The following PLA1A variants were observed in gnomAD, a reference collection of about 807,000 sequenced individuals.
PLA1A encodes phospholipase A1 member A, also known as phosphatidylserine-specific phospholipase A1alpha.
Under a neutral mutation model 49.4 loss-of-function variants are expected in PLA1A, and 47 were observed. The ratio of observed to expected loss-of-function variants is 0.95; its 90% CI spans 0.75 to 1.21. The LOEUF is 1.21. PLA1A is among the 50% of genes most tolerant of loss of function. The pLI is 0.00. For missense variants in PLA1A, 561 were observed against 563.9 expected, an observed-to-expected ratio of 0.99 and a Z score of 0.05; for synonymous variants, 224 against 207.9, an observed-to-expected ratio of 1.08 and a Z score of -0.67.
At chr3:119,628,252 CATG>C (rs1188027302) in intron 9 of PLA1A, among the ~76,000 whole-genome samples, 3 of 152,250 alleles carry the variant, frequency 2.0e-5, no homozygotes, top group South Asian at 2.1e-4. Context: ...GTCTGCGCTT[CATG>C]ATGTTTTCTT....
Position 119,606,794 on chromosome 3 carries a change from C to T in PLA1A, c.94C>T (p.Gln32Ter), listed in dbSNP as rs1560077944. The T allele has an allele frequency of 6.2e-7, 1 of 1,614,138 alleles. No individual in the cohort carries two copies. Residue 32 changes from glutamine (Q) to a stop codon, truncating the protein, a stop_gained, in exon 2 of 11, where the codon CAG becomes TAG. Transcript: ENST00000273371. LOFTEE classifies it high-confidence loss of function. ...GSSGDAPPTP[Q>*]PKCADFQSAN... ...TCCAGGGGATGCACCTCCTACCCCA[C>T]AGCCAAAGTGCGCTGACTTCCAGAG...
At chr3:119,627,166 G>A (rs1269425243) in intron 9 of PLA1A, among the ~76,000 whole-genome samples, 3 of 152,168 alleles carry the variant, frequency 2.0e-5, no homozygotes, top group African/African-American at 4.8e-5. Flanking sequence ...CCTCCATGAA[G>A]AGGTTCACAT....
intron 6 of PLA1A, 51 bp from the exon 7 acceptor site, chr3:119,617,968 G>C (rs372737186): frequency 1.4e-6 from 2 of 1,438,064 alleles, no homozygotes; most frequent in Non-Finnish European, 1.9e-6. Flanking sequence ...AAACAGCATA[G>C]ATTTCCATTT....
intron 1 of PLA1A, chr3:119,600,222 C>T (rs1489689430): frequency 3.4e-6 from 2 of 584,582 alleles, no homozygotes; most frequent in African/African-American, 3.7e-5. Context: ...AGTTCAGCCT[C>T]CACTCACTTT....
intron 8 of PLA1A, among the ~76,000 whole-genome samples, chr3:119,623,334 A>G (rs537943099): frequency 2.6e-5 from 4 of 151,808 alleles, no homozygotes; most frequent in Admixed American, 2.6e-4. Flanking sequence ...TTTTGTAGAG[A>G]CTGGGTCTTG....
At chr3:119,608,220 A>AAGAGAG (rs1560078753) in intron 2 of PLA1A, among the ~76,000 whole-genome samples, 386 of 80,620 alleles carry the variant, frequency 4.8e-3, no homozygotes, top group East Asian at 9.2e-3. Context: ...GAAAGAAAGA[A>AAGAGAG]AGAAAGAGAG....
chr3:119,623,092 G>C (rs964743659), intron 8 of PLA1A, among the ~76,000 whole-genome samples: 1 of 152,112 alleles, frequency 6.6e-6, no homozygotes, highest in Admixed American at 6.5e-5. Flanking sequence ...GCCTCCCAAA[G>C]TGCTGGGATT....
chr3:119,615,888 A>T, intron 5 of PLA1A, 124 bp from the exon 6 acceptor site: 1 of 652,418 alleles, frequency 1.5e-6, no homozygotes, highest in East Asian at 2.7e-5. Context: ...TCATCCTGTG[A>T]AGTCTCACAG....
intron 2 of PLA1A, among the ~76,000 whole-genome samples, chr3:119,608,242 G>GAGAGAGAA: frequency 8.1e-6 from 1 of 123,828 alleles, no homozygotes; most frequent in African/African-American, 3.1e-5. Context: ...GAAAGAAAGA[G>GAGAGAGAA]AGAAAGAAAG....
intron 1 of PLA1A, chr3:119,600,416 T>C (rs2082602707): frequency 2.8e-6 from 2 of 702,996 alleles, no homozygotes; most frequent in Non-Finnish European, 5.2e-6. Context: ...TAGGTGGTCT[T>C]TCTTTGTGTT....
intron 1 of PLA1A, among the ~76,000 whole-genome samples, chr3:119,602,621 A>C (rs1245188507): frequency 6.6e-6 from 1 of 152,186 alleles, no homozygotes; most frequent in Non-Finnish European, 1.5e-5. Context: ...TGTGTGTGAC[A>C]GGTACTATTT....
chr3:119,619,393 C>T (rs768080704), intron 7 of PLA1A, among the ~76,000 whole-genome samples, 170 bp from the exon 8 acceptor site: 3 of 152,152 alleles, frequency 2.0e-5, no homozygotes, highest in African/African-American at 4.8e-5. Flanking sequence ...CCCACTGGAC[C>T]GAGTTGCTGG....
At position 119,597,919 on chromosome 3, in the gene PLA1A, C is replaced by T. The variant is rs1476892885; in HGVS notation, c.6C>T (p.Pro2=). The T allele has an allele frequency of 2.5e-6, 4 of 1,607,824 alleles. No homozygotes were observed. The highest frequency in any genetic ancestry group is 3.4e-6 in the Non-Finnish European group (4 of 1,176,434). M[P]PGPWESCFWV... ...CTGAGATTTCCAGCTCAGCGATGCC[C>T]CCAGGTCCCTGGGAGAGCTGCTTCT... Residue 2 remains proline (P), a synonymous_variant, in exon 1 of 11, where the codon CCC becomes CCT. Coordinates refer to ENST00000273371, the MANE Select transcript of PLA1A (RefSeq NM_015900.4).
chr3:119,602,015 C>G (rs1375355671), intron 1 of PLA1A, among the ~76,000 whole-genome samples: 3 of 151,960 alleles, frequency 2.0e-5, no homozygotes, highest in African/African-American at 4.8e-5. Flanking sequence ...GCCCAGCAAA[C>G]CTTGCTGGGC....
intron 1 of PLA1A, chr3:119,600,403 G>A (rs1320182076): frequency 1.4e-6 from 1 of 702,786 alleles, no homozygotes; most frequent in African/African-American, 1.7e-5. Flanking sequence ...CCTCCATCTG[G>A]GGTAGGTGGT....
At chr3:119,601,123 C>T (rs892428765) in intron 1 of PLA1A, among the ~76,000 whole-genome samples, 1 of 152,380 alleles carries the variant, frequency 6.6e-6, no homozygotes, top group African/African-American at 2.4e-5. Context: ...TGTGCCAACT[C>T]TGTCACTGCC....
chr3:119,606,139 G>A (rs1388987453), intron 1 of PLA1A, among the ~76,000 whole-genome samples: 1 of 152,212 alleles, frequency 6.6e-6, no homozygotes, highest in Non-Finnish European at 1.5e-5. Flanking sequence ...AAGTGCCATG[G>A]ACTGGGTGGC....
At chr3:119,619,022 C>A (rs969548344) in intron 7 of PLA1A, among the ~76,000 whole-genome samples, 10 of 152,218 alleles carry the variant, frequency 6.6e-5, no homozygotes, top group African/African-American at 2.4e-4. Context: ...TAACAGCCAC[C>A]TCACACTGTC....
chr3:119,622,087 AAAGAAGAAG>A (rs150974548), intron 8 of PLA1A, among the ~76,000 whole-genome samples: 17 of 114,288 alleles, frequency 1.5e-4, no homozygotes, highest in African/African-American at 5.2e-4. Context: ...GTTTCTGAAG[AAAGAAGAAG>A]AAGAAGAAGA....
Sources: allele counts gnomAD v4.1 joint callset (sites outside exome capture counted in the v4.1 genomes callset), GRCh38; gene constraint gnomAD v4.1.1; transcripts MANE v1.5; gene names NCBI Gene and HGNC (gene_info 2026-07-23, HGNC 2026-07-21).